The following NPAS3 variants were observed in gnomAD, a reference collection of about 807,000 sequenced individuals.
The protein encoded by NPAS3 is neuronal PAS domain protein 3.
Under a neutral mutation model 73.1 loss-of-function variants are expected in NPAS3, and 14 were observed. That is an observed-to-expected ratio of 0.19 (90% CI 0.13 to 0.30). The LOEUF is 0.30. Among genes scored for constraint, NPAS3 ranks in the 10% least tolerant of loss-of-function variants. The pLI is 1.00. For missense variants in NPAS3, 1,096 were observed against 1,250.0 expected (o/e 0.88, Z 1.86); for synonymous variants, 620 against 541.5 (o/e 1.14, Z -2.01).
chr14:32,939,256 C>A, upstream of NPAS3: 1 of 666,500 alleles, frequency 1.5e-6, no homozygotes, highest in Non-Finnish European at 2.6e-6. Flanking sequence ...CCCGCCCACG[C>A]CCCCCACCCG....
At chr14:33,608,884 A>C (rs188145198) in intron 5 of NPAS3, among the ~76,000 whole-genome samples, 1 of 152,196 alleles carries the variant, frequency 6.6e-6, no homozygotes, top group Admixed American at 6.5e-5. Flanking sequence ...CAAGTCATCC[A>C]GTCACAAATA....
At chr14:33,066,653 T>G (rs1346548827) in intron 2 of NPAS3, among the ~76,000 whole-genome samples, 1 of 152,118 alleles carries the variant, frequency 6.6e-6, no homozygotes, top group East Asian at 1.9e-4. Flanking sequence ...TGGTACAGAG[T>G]GTCCTGAGAA....
intron 3 of NPAS3, among the ~76,000 whole-genome samples, chr14:33,347,682 G>A (rs1196275414): frequency 1.3e-5 from 2 of 152,266 alleles, no homozygotes; most frequent in African/African-American, 4.8e-5. Context: ...GGATGCTCCA[G>A]TCCTTGATAT....
chr14:33,703,535 A>G (rs985016044), intron 6 of NPAS3, among the ~76,000 whole-genome samples: 6 of 152,050 alleles, frequency 3.9e-5, no homozygotes, highest in African/African-American at 1.4e-4. Context: ...ATTTATTCTC[A>G]TAAGTCTTAA....
intron 6 of NPAS3, among the ~76,000 whole-genome samples, chr14:33,713,974 G>T (rs1289378457): frequency 6.6e-6 from 1 of 151,908 alleles, no homozygotes; most frequent in Non-Finnish European, 1.5e-5. Flanking sequence ...TCTTCTTCCT[G>T]GAACACTATC....
intron 1 of NPAS3, among the ~76,000 whole-genome samples, chr14:33,037,625 C>T (rs190370952): frequency 9.9e-5 from 15 of 152,208 alleles, no homozygotes; most frequent in Admixed American, 4.6e-4. Context: ...GTGATCTTGC[C>T]ACTGCACTCT....
intron 3 of NPAS3, among the ~76,000 whole-genome samples, chr14:33,250,427 G>T (rs1342548650): frequency 1.3e-5 from 2 of 152,004 alleles, no homozygotes; most frequent in African/African-American, 4.8e-5. Flanking sequence ...TTGTAATAGG[G>T]TTTTCTCTGC....
At chr14:33,068,434 T>G (rs187073148) in intron 2 of NPAS3, among the ~76,000 whole-genome samples, 59 of 152,310 alleles carry the variant, frequency 3.9e-4, no homozygotes, top group Non-Finnish European at 7.8e-4. Flanking sequence ...CACAGTGGTT[T>G]CTCTCTTCTC....
chr14:33,707,585 T>C (rs2060691912), intron 6 of NPAS3, among the ~76,000 whole-genome samples: 1 of 152,154 alleles, frequency 6.6e-6, no homozygotes. Context: ...TAAAAACCTG[T>C]ATGGTTCAAA....
chr14:33,342,490 T>C (rs1052742462), intron 3 of NPAS3, among the ~76,000 whole-genome samples: 1 of 152,242 alleles, frequency 6.6e-6, no homozygotes, highest in Admixed American at 6.5e-5. Context: ...GAAGCTCCTC[T>C]GGCCCAGCCT....
intron 2 of NPAS3, among the ~76,000 whole-genome samples, chr14:33,183,293 G>A (rs1369213150): frequency 4.6e-5 from 7 of 152,234 alleles, no homozygotes; most frequent in African/African-American, 1.7e-4. Context: ...GGGCATGGTG[G>A]TGGGCGCCTG....
At chr14:33,525,892 A>G (rs1292083970) in intron 4 of NPAS3, among the ~76,000 whole-genome samples, 1 of 152,178 alleles carries the variant, frequency 6.6e-6, no homozygotes, top group African/African-American at 2.4e-5. Flanking sequence ...AGAAGGAGAA[A>G]TGTGAGATTA....
At chr14:33,315,654 G>A (rs779254386) in intron 3 of NPAS3, among the ~76,000 whole-genome samples, 1 of 151,960 alleles carries the variant, frequency 6.6e-6, no homozygotes, top group Non-Finnish European at 1.5e-5. Flanking sequence ...GTTAGGGTAA[G>A]AGATACAGTA....
At chr14:33,228,723 G>A (rs2047732507) in intron 3 of NPAS3, among the ~76,000 whole-genome samples, 1 of 152,106 alleles carries the variant, frequency 6.6e-6, no homozygotes, top group Admixed American at 6.6e-5. Context: ...AAGCCACTAG[G>A]AGGGAGTGAC....
At chr14:33,194,849 G>C (rs919118935) in intron 2 of NPAS3, among the ~76,000 whole-genome samples, 14 of 152,142 alleles carry the variant, frequency 9.2e-5, no homozygotes, top group Admixed American at 7.9e-4. Context: ...TTTCTGGTCA[G>C]TTGGAGGCTG....
chr14:33,028,455 A>C (rs1333072923), intron 1 of NPAS3, among the ~76,000 whole-genome samples: 1 of 152,252 alleles, frequency 6.6e-6, no homozygotes, highest in African/African-American at 2.4e-5. Context: ...GAATGCCACC[A>C]CAAAATAAAC....
At chr14:33,055,701 A>G (rs1198712501) in intron 1 of NPAS3, among the ~76,000 whole-genome samples, 1 of 152,218 alleles carries the variant, frequency 6.6e-6, no homozygotes, top group Non-Finnish European at 1.5e-5. Flanking sequence ...CTGATAAAGA[A>G]CTGAAAAAGT....
chr14:33,201,705 G>A (rs956502955), intron 2 of NPAS3, among the ~76,000 whole-genome samples: 1 of 152,114 alleles, frequency 6.6e-6, no homozygotes, highest in Non-Finnish European at 1.5e-5. Flanking sequence ...TGTGTATTTC[G>A]ACCAATTATT....
rs144859047 is a variant in NPAS3 at position 33,473,187 on chromosome 14, C to T, written c.469-86934C>T. On this transcript the variant is annotated intron_variant, in intron 4 of 11. Transcript: ENST00000356141. ...ATGGAAACTGGGAAATTGGCAGAGA[C>T]GCTAGCATTCTATCAGTATCATGAC... 4.9e-4 allele frequency among the ~76,000 whole-genome samples: 74 copies of T among 152,254 alleles called. 1 individual carries two copies. Among genetic ancestry groups the T allele is most frequent in the African/African-American group, 8.4e-4 (35 of 41,550 alleles).
Sources: gnomAD v4.1 joint callset for allele counts (sites outside exome capture counted in the v4.1 genomes callset) on GRCh38, gnomAD v4.1.1 for gene constraint, MANE v1.5 for transcripts, NCBI Gene and HGNC (gene_info 2026-07-23, HGNC 2026-07-21) for gene names.